The following KIF1A variants were observed in gnomAD, a reference collection of about 807,000 sequenced individuals.
KIF1A encodes kinesin-like protein KIF1A.
Under a neutral mutation model 227.3 loss-of-function variants are expected in KIF1A, and 46 were observed. That is an observed-to-expected ratio of 0.20 (90% confidence interval 0.16 to 0.26). The LOEUF is 0.26. Among genes scored for constraint, KIF1A ranks in the 10% least tolerant of loss-of-function variants. The pLI is 1.00. For synonymous variants in KIF1A, 1,022 were observed against 1,012.8 expected, an observed-to-expected ratio of 1.01 and a Z score of -0.17; for missense variants, 1,683 against 2,485.9, an observed-to-expected ratio of 0.68 and a Z score of 6.87.
intron 1 of KIF1A, among the ~76,000 whole-genome samples, chr2:240,814,501 CA>C (rs1220361826): frequency 6.6e-6 from 1 of 151,950 alleles, no homozygotes; most frequent in Non-Finnish European, 1.5e-5. Context: ...TGTGCTCCAG[CA>C]AAACAAGACA....
chr2:240,757,060 T>C lies in KIF1A; in HGVS notation c.2858+259A>G, dbSNP rs1011065944. On this transcript the variant is annotated intron_variant, in intron 27 of 48. Coordinates refer to ENST00000498729, the MANE Select transcript of KIF1A (RefSeq NM_001244008.2). The surrounding 1 kb of genome is among the most constrained non-coding windows in gnomAD (Gnocchi z 6.2). ...CACAGCTGCAAGCTCCGGGGTGCACTACCTCTTCTGTACCTGGAACCCAGA... is the reference window on the plus strand; with the variant it reads ...CACAGCTGCAAGCTCCGGGGTGCACCACCTCTTCTGTACCTGGAACCCAGA... Among the ~76,000 whole-genome samples the C allele has an allele frequency of 1.3e-5, 2 of 152,186 alleles. No homozygotes were observed. The highest frequency in any genetic ancestry group is 2.4e-5 in the African/African-American group (1 of 41,460).
At position 240,753,927 on chromosome 2, in the gene KIF1A, A is replaced by G. The variant is rs1050435980; in HGVS notation, c.2859-3380T>C. 6.7e-4 allele frequency among the ~76,000 whole-genome samples: 102 copies of G among 152,182 alleles called. 1 individual carries two copies. The highest frequency in any genetic ancestry group is 2.5e-3 in the African/African-American group (102 of 41,526). ...GTGTGGACACCAAGCTCCACCACCT[A>G]CTTCTAGGGCCAGGGTTGGCTTCCA... On this transcript the variant is annotated intron_variant, in intron 27 of 48. Coordinates refer to ENST00000498729, the MANE Select transcript of KIF1A (RefSeq NM_001244008.2).
At chr2:240,810,002 T>C (rs910004005) in intron 1 of KIF1A, among the ~76,000 whole-genome samples, 1 of 152,156 alleles carries the variant, frequency 6.6e-6, no homozygotes, top group Non-Finnish European at 1.5e-5. Flanking sequence ...TCAGTAGAGA[T>C]AGGGTTTCGC....
intron 18 of KIF1A, 85 bp downstream of exon 18, chr2:240,767,181 C>T: frequency 1.6e-6 from 2 of 1,255,764 alleles, no homozygotes; most frequent in Non-Finnish European, 2.3e-6. Flanking sequence ...GGCCCCTCTG[C>T]AGAAGCAGGA....
chr2:240,781,449 A>AG (rs1559524252), intron 10 of KIF1A, among the ~76,000 whole-genome samples: 4 of 73,516 alleles, frequency 5.4e-5, no homozygotes, highest in African/African-American at 1.0e-4. Context: ...ACACACACAC[A>AG]CACACACACA....
intron 45 of KIF1A, 166 bp from the exon 46 acceptor site, chr2:240,720,092 G>A (rs2045122541): frequency 3.5e-6 from 2 of 566,974 alleles, no homozygotes. Flanking sequence ...CCGTCCACCA[G>A]GATAGCCAAG....
At position 240,793,092 on chromosome 2, in the gene KIF1A, A is replaced by T. The variant is rs1329136869; in HGVS notation, c.107-3780T>A. 6.6e-6 allele frequency among the ~76,000 whole-genome samples: 1 copy of T among 152,192 alleles called. No individual in the cohort carries two copies. The highest frequency in any genetic ancestry group is 2.4e-5 in the African/African-American group (1 of 41,456). ...GCCCTCTGTAACAGCAGCCCCAGGG[A>T]CCACACGGGTGCTACTGCTGCCCGT... On this transcript the variant is annotated intron_variant, in intron 2 of 48. Coordinates refer to ENST00000498729, the MANE Select transcript of KIF1A (RefSeq NM_001244008.2). The surrounding 1 kb of genome is among the most constrained non-coding windows in gnomAD (Gnocchi z 4.8).
intron 27 of KIF1A, among the ~76,000 whole-genome samples, chr2:240,751,928 C>T (rs1034711827): frequency 3.3e-5 from 5 of 152,138 alleles, no homozygotes; most frequent in Non-Finnish European, 5.9e-5. Flanking sequence ...TCCCCTTGGC[C>T]GTCTCGTTCA....
intron 1 of KIF1A, among the ~76,000 whole-genome samples, chr2:240,803,542 G>GTTTACC (rs2057148929): frequency 6.6e-6 from 1 of 152,066 alleles, no homozygotes; most frequent in Non-Finnish European, 1.5e-5. Flanking sequence ...TCTTTTTTTG[G>GTTTACC]TTTACCTTTA....
At chr2:240,803,653 T>A (rs1044010096) in intron 1 of KIF1A, among the ~76,000 whole-genome samples, 2 of 152,226 alleles carry the variant, frequency 1.3e-5, no homozygotes, top group Non-Finnish European at 2.9e-5. Context: ...GGGTAAACAG[T>A]TTATAATTCT....
chr2:240,723,674 C>T, intron 41 of KIF1A, 116 bp from the exon 42 acceptor site: 1 of 1,244,486 alleles, frequency 8.0e-7, no homozygotes, highest in Non-Finnish European at 1.1e-6. Flanking sequence ...AGATGGGCTT[C>T]CCCTGGTCCT....
intron 17 of KIF1A, among the ~76,000 whole-genome samples, chr2:240,768,409 C>T (rs1326555866): frequency 6.6e-6 from 1 of 152,242 alleles, no homozygotes; most frequent in African/African-American, 2.4e-5. Flanking sequence ...CGTGCTGGGC[C>T]GGCGGCCTGG....
chr2:240,723,338 C>T, intron 42 of KIF1A, 75 bp downstream of exon 42: 2 of 1,414,662 alleles, frequency 1.4e-6, no homozygotes, highest in East Asian at 2.5e-5. Flanking sequence ...GCCCTGGGCC[C>T]TCTCCAGCTT....
chr2:240,716,249 AAG>A lies in KIF1A; in HGVS notation c.*1113_*1114del, dbSNP rs1449322005. 1 of 152,244 alleles carries A rather than the reference AAG, an allele frequency of 6.6e-6. No homozygotes were observed. The highest frequency in any genetic ancestry group is 6.5e-5 in the Admixed American group (1 of 15,288). The allele number at this position is 152,244 out of a possible 1,614,324, so 9.4% of individuals were successfully genotyped here. On this transcript the variant is annotated 3_prime_UTR_variant, in exon 49 of 49. Transcript: ENST00000498729. ...ACAGAAACTCTCTGCCCTGGGAACA[AAG>A]AGAGGAAAGTCTTTGCAAGAAACCT...
rs1469297168 is a variant in KIF1A, at chr2:240,783,102, G to A, written c.806C>T (p.Ala269Val). Residue 269 changes from alanine (A) to valine (V), a missense_variant, in exon 9 of 49, where the codon GCC (alanine) becomes GTC (valine). Ala to Val is a moderately conservative substitution (Grantham distance 64). Coordinates refer to ENST00000498729, the MANE Select transcript of KIF1A (RefSeq NM_001244008.2). ...GGTGGTCAGCGACTTGTTGATGTTG[G>A]CCCCCTCCTGCGGGCAGAAAAGACA... ...GAKGTRLKEG[A>V]NINKSLTTLG... 1.9e-6 allele frequency: 3 copies of A among 1,613,402 alleles called. No individual in the cohort carries two copies. The highest frequency in any genetic ancestry group is 2.5e-6 in the Non-Finnish European group (3 of 1,179,506).
rs1450272215 is a variant in KIF1A at position 240,762,609 on chromosome 2, AC to A, written c.2116+109del. ...TCTTTCCCTAAAGAGACAGGTCCAG[AC>A]CCCAGGGCAAAAGTGCTGACCAGTG... is the stretch of plus-strand genomic sequence containing the variant. On this transcript the variant is annotated intron_variant, in intron 23 of 48. Transcript: ENST00000498729. 8 of 1,381,592 alleles carry A rather than the reference AC, an allele frequency of 5.8e-6. No homozygotes were observed. In the African/African-American group the frequency reaches 1.2e-4, roughly 20 times the overall value. 85.6% of individuals were successfully genotyped at this position (1,381,592 alleles called of 1,614,324 possible).
chr2:240,721,941 C>T (rs2045443601), intron 43 of KIF1A, 57 bp from the exon 44 acceptor site: 4 of 1,420,362 alleles, frequency 2.8e-6, no homozygotes, highest in Non-Finnish European at 3.9e-6. Flanking sequence ...CCTGCTCAGA[C>T]AGCCTTGCAG....
intron 8 of KIF1A, 97 bp from the exon 9 acceptor site, chr2:240,783,206 G>A: frequency 1.1e-6 from 1 of 940,634 alleles, no homozygotes; most frequent in Non-Finnish European, 1.7e-6. Context: ...AGTGTGGAGT[G>A]GAGGCCACCA....
In KIF1A at chr2:240,780,775, C is replaced by A. The variant is rs1405143756; in HGVS notation, c.882+1815G>T. ...TGCAGGCTCCCCACACAGCTCCACA[C>A]ACACACACACACACACACAGCTCCA... On this transcript the variant is annotated intron_variant, in intron 10 of 48. Coordinates refer to ENST00000498729, the MANE Select transcript of KIF1A (RefSeq NM_001244008.2). Among the ~76,000 whole-genome samples the A allele has an allele frequency of 7.9e-5, 10 of 125,818 alleles. 1 individual carries two copies. The highest frequency in any genetic ancestry group is 4.0e-3 in the Middle Eastern group (1 of 248). The allele number at this position is 125,818 out of a possible 152,430, so 82.5% of individuals were successfully genotyped here. A position where few individuals can be genotyped will look rare whatever the true frequency, so the allele number is the denominator to read the frequency against.
Sources: allele counts gnomAD v4.1 joint callset (sites outside exome capture counted in the v4.1 genomes callset), GRCh38; gene constraint gnomAD v4.1.1; non-coding constraint Gnocchi (gnomAD v3.1); transcripts MANE v1.5; gene names NCBI Gene and HGNC (gene_info 2026-07-23, HGNC 2026-07-21).